RCL1: variants seen among roughly 807,000 people sequenced by gnomAD.
RCL1 encodes the protein RNA terminal phosphate cyclase like 1.
Under a neutral mutation model 42.4 loss-of-function variants are expected in RCL1, and 24 were observed. The ratio of observed to expected loss-of-function variants is 0.57; its 90% CI spans 0.41 to 0.80. The LOEUF is 0.80. Among genes scored for constraint, RCL1 ranks in the 30% least tolerant of loss-of-function variants. The pLI is 0.00. For synonymous variants in RCL1, 228 were observed against 177.3 expected (o/e 1.29, Z -2.27); for missense variants, 578 against 467.9 (o/e 1.24, Z -2.17).
intron 1 of RCL1, among the ~76,000 whole-genome samples, chr9:4,797,134 A>G (rs1276912210): frequency 6.6e-6 from 1 of 152,160 alleles, no homozygotes; most frequent in Non-Finnish European, 1.5e-5. Context: ...AATTATTTTA[A>G]CTATTCTCTT....
At chr9:4,832,010 C>T (rs1816958350) in intron 3 of RCL1, among the ~76,000 whole-genome samples, 1 of 152,146 alleles carries the variant, frequency 6.6e-6, no homozygotes, top group South Asian at 2.1e-4. Context: ...CCTGCCCTCC[C>T]TGCCAGCTGA....
chr9:4,795,574 A>G (rs1842901130), intron 1 of RCL1, among the ~76,000 whole-genome samples: 1 of 152,202 alleles, frequency 6.6e-6, no homozygotes, highest in Admixed American at 6.5e-5. Flanking sequence ...TTGAAGATGT[A>G]GCCGGAAGCC....
intron 1 of RCL1, among the ~76,000 whole-genome samples, chr9:4,813,333 T>C (rs1816247835): frequency 6.6e-6 from 1 of 152,052 alleles, no homozygotes; most frequent in Admixed American, 6.6e-5. Context: ...CTTAAACAAA[T>C]TTACAAGAAA....
intron 7 of RCL1, among the ~76,000 whole-genome samples, chr9:4,848,432 C>T (rs960151118): frequency 2.0e-5 from 3 of 152,146 alleles, no homozygotes; most frequent in Non-Finnish European, 2.9e-5. Flanking sequence ...TTATTTCCTA[C>T]CCTACATGCC....
chr9:4,834,557 T>TGG (rs1395893215), intron 5 of RCL1, among the ~76,000 whole-genome samples: 1 of 151,540 alleles, frequency 6.6e-6, no homozygotes, highest in East Asian at 1.9e-4. Flanking sequence ...GGCTTTGGTT[T>TGG]GGGGGCCATG....
Position 4,829,971 on chromosome 9 carries a change from T to C in RCL1, c.384+2938T>C, listed in dbSNP as rs904967783. ...TGTGGGCATTAGGGTTTCTGCCCCA[T>C]GGTCCAAGGGACTGAGAATGGAAGA... On this transcript the variant is annotated intron_variant, in intron 3 of 8. Transcript: ENST00000381750. Among the ~76,000 whole-genome samples, 6 of 152,194 alleles carry C rather than the reference T, an allele frequency of 3.9e-5. No individual in the cohort carries two copies. In the East Asian group the frequency reaches 1.2e-3, roughly 29 times the overall value.
At chr9:4,837,693 A>G (rs1404495961) in intron 5 of RCL1, among the ~76,000 whole-genome samples, 4 of 152,108 alleles carry the variant, frequency 2.6e-5, no homozygotes, top group Non-Finnish European at 5.9e-5. Flanking sequence ...TTTCCAGGGG[A>G]GAACATAAAA....
chr9:4,826,757 G>A, intron 2 of RCL1, 101 bp from the exon 3 acceptor site: 2 of 1,011,250 alleles, frequency 2.0e-6, no homozygotes, highest in Non-Finnish European at 3.0e-6. Context: ...ACTCTTGGAT[G>A]CCCTTGTCAG....
At chr9:4,822,043 T>C (rs1816612542) in intron 1 of RCL1, among the ~76,000 whole-genome samples, 1 of 152,248 alleles carries the variant, frequency 6.6e-6, no homozygotes, top group African/African-American at 2.4e-5. Flanking sequence ...AAAGTAAGCA[T>C]GCAACACACA....
chr9:4,819,650 T>C (rs1816517346), intron 1 of RCL1, among the ~76,000 whole-genome samples: 1 of 151,770 alleles, frequency 6.6e-6, no homozygotes, highest in Admixed American at 6.6e-5. Context: ...CTACTGAAAA[T>C]ACAAAAATTA....
chr9:4,799,806 T>G (rs911654855), intron 1 of RCL1, among the ~76,000 whole-genome samples: 1 of 152,218 alleles, frequency 6.6e-6, no homozygotes, highest in African/African-American at 2.4e-5. Context: ...GTAATTTGCA[T>G]GCTTGCTACC....
rs1269028241 is a variant in RCL1 at position 4,860,334 on chromosome 9, C to T, written c.*59C>T. On this transcript the variant is annotated 3_prime_UTR_variant, in exon 9 of 9. Coordinates refer to ENST00000381750, the MANE Select transcript of RCL1 (RefSeq NM_005772.5). The stretch of plus-strand genomic sequence containing the variant: ...GACAAAGCAGAAGCTGCCACGGACA[C>T]CAATGGGACCAAGTCCAAATGGATT... 3.2e-6 allele frequency: 5 copies of T among 1,559,986 alleles called. No homozygotes were observed. In the South Asian group the frequency reaches 3.6e-5, roughly 11 times the overall value.
chr9:4,801,362 G>C (rs965726553), intron 1 of RCL1, among the ~76,000 whole-genome samples: 3 of 152,112 alleles, frequency 2.0e-5, no homozygotes, highest in Non-Finnish European at 2.9e-5. Context: ...TGTAGAGATG[G>C]AGTCTCGCTA....
intron 1 of RCL1, among the ~76,000 whole-genome samples, chr9:4,796,257 A>G (rs898554126): frequency 2.0e-5 from 3 of 152,098 alleles, no homozygotes; most frequent in African/African-American, 7.2e-5. Flanking sequence ...TCCAGTCCCC[A>G]ATGTTTGTTA....
chr9:4,823,206 C>T (rs1816651725), intron 1 of RCL1, among the ~76,000 whole-genome samples: 1 of 151,840 alleles, frequency 6.6e-6, no homozygotes, highest in Non-Finnish European at 1.5e-5. Flanking sequence ...GGCATGTCCT[C>T]CTGAGTTCAG....
intron 8 of RCL1, among the ~76,000 whole-genome samples, chr9:4,858,082 A>G (rs1818024855): frequency 6.6e-6 from 1 of 151,908 alleles, no homozygotes; most frequent in Non-Finnish European, 1.5e-5. Flanking sequence ...TGGGGGTCGT[A>G]ATAGACTGGT....
At chr9:4,851,737 T>TTA (rs112046152) in intron 8 of RCL1, among the ~76,000 whole-genome samples, 2 of 148,702 alleles carry the variant, frequency 1.3e-5, no homozygotes, top group African/African-American at 5.0e-5. Context: ...TTCCTTGGTT[T>TTA]AAAAAAAAAA....
chr9:4,847,651 G>C (rs1368122210), intron 7 of RCL1, among the ~76,000 whole-genome samples: 2 of 152,146 alleles, frequency 1.3e-5, no homozygotes, highest in African/African-American at 4.8e-5. Context: ...ATACTGATCT[G>C]ATCTCTTCAC....
intron 7 of RCL1, among the ~76,000 whole-genome samples, chr9:4,848,491 C>T (rs1242260821): frequency 6.6e-6 from 1 of 152,220 alleles, no homozygotes; most frequent in Non-Finnish European, 1.5e-5. Context: ...ACACTGCTGG[C>T]CACCTATCCT....
Sources: gnomAD v4.1 joint callset for allele counts (sites outside exome capture counted in the v4.1 genomes callset) on GRCh38, gnomAD v4.1.1 for gene constraint, MANE v1.5 for transcripts, NCBI Gene and HGNC (gene_info 2026-07-23, HGNC 2026-07-21) for gene names.